The following MAGI1 variants were observed in gnomAD, a reference collection of about 807,000 sequenced individuals.
MAGI1 encodes membrane associated guanylate kinase, WW and PDZ domain containing 1.
Under a neutral mutation model 139.9 loss-of-function variants are expected in MAGI1, and 58 were observed. The observed-to-expected ratio is 0.41, with a 90% CI of 0.34 to 0.52. The LOEUF is 0.52. MAGI1 is among the 20% of genes least tolerant of loss of function. The probability of loss-of-function intolerance (pLI) is 0.12; values close to 1 mark genes in which losing one functional copy is unlikely to be tolerated. For missense variants in MAGI1, 1,874 were observed against 1,901.6 expected (o/e 0.99, Z 0.27); for synonymous variants, 812 against 737.9 (o/e 1.10, Z -1.63).
intron 2 of MAGI1, among the ~76,000 whole-genome samples, chr3:65,600,887 G>A (rs886452406): frequency 6.6e-5 from 10 of 152,192 alleles, no homozygotes; most frequent in Non-Finnish European, 1.3e-4. Context: ...GGGATCTGGG[G>A]CTAGACCAGT....
chr3:65,900,261 CA>C (rs930237485), intron 1 of MAGI1, among the ~76,000 whole-genome samples: 9 of 152,192 alleles, frequency 5.9e-5, no homozygotes, highest in Non-Finnish European at 2.9e-5. Flanking sequence ...TCCCATCCAT[CA>C]CCCAGGACAT....
chr3:65,606,998 C>T (rs1382063744), intron 2 of MAGI1, among the ~76,000 whole-genome samples: 1 of 152,134 alleles, frequency 6.6e-6, no homozygotes, highest in South Asian at 2.1e-4. Context: ...AACCCAGATA[C>T]TGGTCAACAC....
intron 1 of MAGI1, among the ~76,000 whole-genome samples, chr3:65,952,892 GTTGT>G (rs1170877341): frequency 2.6e-5 from 4 of 152,296 alleles, no homozygotes; most frequent in African/African-American, 9.6e-5. Context: ...AGTATTTCCT[GTTGT>G]TTGTCTTGAC....
At chr3:65,957,589 C>G (rs1298125187) in intron 1 of MAGI1, among the ~76,000 whole-genome samples, 1 of 150,752 alleles carries the variant, frequency 6.6e-6, no homozygotes, top group Admixed American at 6.6e-5. Context: ...GGACAAATCT[C>G]AATACAATGT....
intron 1 of MAGI1, among the ~76,000 whole-genome samples, chr3:65,706,169 C>T (rs1037076636): frequency 1.3e-5 from 2 of 152,128 alleles, no homozygotes; most frequent in African/African-American, 2.4e-5. Context: ...AGATGGTACA[C>T]GGGCTAGTTT....
intron 2 of MAGI1, among the ~76,000 whole-genome samples, chr3:65,524,975 G>A (rs558584430): frequency 6.6e-6 from 1 of 152,136 alleles, no homozygotes; most frequent in Non-Finnish European, 1.5e-5. Context: ...GCAGCCTCAC[G>A]TTTGTCTTCC....
chr3:65,364,653 C>T lies in MAGI1; in HGVS notation c.3351+12G>A. ...GTGCAAAGTATAGAGAAAAAAGAGA[C>T]ATGGTGCTCACCTGTGTTGCTTGGG... On this transcript the variant is annotated intron_variant, in intron 20 of 22. Coordinates refer to ENST00000402939, the MANE Select transcript of MAGI1 (RefSeq NM_001033057.2). The T allele has an allele frequency of 6.2e-7, 1 of 1,612,514 alleles. No individual in the cohort carries two copies. Among genetic ancestry groups the T allele is most frequent in the Non-Finnish European group, 8.5e-7 (1 of 1,178,930 alleles).
At chr3:65,533,126 T>C (rs1452144638) in intron 2 of MAGI1, among the ~76,000 whole-genome samples, 2 of 152,198 alleles carry the variant, frequency 1.3e-5, no homozygotes, top group Non-Finnish European at 2.9e-5. Context: ...ATCCCTATTT[T>C]TTGACTGGCT....
chr3:65,661,130 C>A (rs1448280751), intron 1 of MAGI1, among the ~76,000 whole-genome samples: 1 of 152,156 alleles, frequency 6.6e-6, no homozygotes, highest in Non-Finnish European at 1.5e-5. Flanking sequence ...TATTCTTACA[C>A]ATATTTGCTC....
chr3:65,952,793 G>C (rs1191075116), intron 1 of MAGI1, among the ~76,000 whole-genome samples: 2 of 152,274 alleles, frequency 1.3e-5, no homozygotes, highest in Middle Eastern at 6.8e-3. Flanking sequence ...CAGCCTCGGC[G>C]ACAGAGCGAG....
At chr3:65,560,346 G>A (rs1261950833) in intron 2 of MAGI1, among the ~76,000 whole-genome samples, 1 of 152,142 alleles carries the variant, frequency 6.6e-6, no homozygotes, top group African/African-American at 2.4e-5. Flanking sequence ...AAACGCTTGA[G>A]GGGATGGATA....
chr3:65,560,607 T>C (rs1355995535), intron 2 of MAGI1, among the ~76,000 whole-genome samples: 2 of 152,146 alleles, frequency 1.3e-5, no homozygotes, highest in African/African-American at 4.8e-5. Flanking sequence ...GTAAACTGTT[T>C]CCTGCTACTC....
At position 65,382,029 on chromosome 3, in the gene MAGI1, G is replaced by A. The variant is rs941929595; in HGVS notation, c.2549C>T (p.Thr850Ile). 3.1e-6 allele frequency: 5 copies of A among 1,613,898 alleles called. No individual in the cohort carries two copies. The highest frequency in any genetic ancestry group is 4.2e-6 in the Non-Finnish European group (5 of 1,179,986). Residue 850 changes from threonine (T) to isoleucine (I), a missense_variant, in exon 16 of 23, where the codon ACT becomes ATT. Thr to Ile is a moderately conservative substitution (Grantham distance 89). This residue lies in a region of MAGI1 where 482 missense variants were observed against 509.6 expected (regional missense o/e 0.95). Transcript: ENST00000402939. ...GHIVPLGAAD[T>I]DGRLRSGDEL... The stretch of plus-strand genomic sequence containing the variant: ...ATCTCCAGACCTCAGGCGGCCGTCA[G>A]TATCAGCAGCACCCAGTGGTACGAT...
At chr3:65,502,322 C>G (rs1453721627) in intron 2 of MAGI1, among the ~76,000 whole-genome samples, 2 of 152,164 alleles carry the variant, frequency 1.3e-5, no homozygotes, top group Non-Finnish European at 2.9e-5. Flanking sequence ...ATCCTATTAT[C>G]ACAAAAGGGG....
At chr3:65,603,582 T>C (rs1448377087) in intron 2 of MAGI1, among the ~76,000 whole-genome samples, 1 of 152,270 alleles carries the variant, frequency 6.6e-6, no homozygotes, top group Non-Finnish European at 1.5e-5. Context: ...ATTCTAATTG[T>C]AGGTAAAATC....
chr3:65,787,706 A>G (rs145258933), intron 1 of MAGI1, among the ~76,000 whole-genome samples: 1 of 152,122 alleles, frequency 6.6e-6, no homozygotes, highest in East Asian at 1.9e-4. Context: ...TGTTATGGGA[A>G]CACAGGGGTT....
At chr3:65,849,284 C>T (rs1406245122) in intron 1 of MAGI1, among the ~76,000 whole-genome samples, 2 of 151,318 alleles carry the variant, frequency 1.3e-5, no homozygotes, top group Non-Finnish European at 2.9e-5. Flanking sequence ...CTCAGTCTCC[C>T]AAAGTGCTAG....
In MAGI1 at chr3:65,354,743, A is replaced by G. The variant is rs1003573803; in HGVS notation, c.*1635T>C. 6.5e-6 allele frequency: 1 copy of G among 152,676 alleles called. No homozygotes were observed. Among genetic ancestry groups the G allele is most frequent in the African/African-American group, 2.4e-5 (1 of 41,462 alleles). The allele number at this position is 152,676 out of a possible 1,614,324, so 9.5% of individuals were successfully genotyped here. ...TCCATATTCAGAAATATAAACACGT[A>G]TCACATTCCTCACAGCTAAATTTTG... On this transcript the variant is annotated 3_prime_UTR_variant, in exon 23 of 23. Coordinates refer to ENST00000402939, the MANE Select transcript of MAGI1 (RefSeq NM_001033057.2).
intron 1 of MAGI1, among the ~76,000 whole-genome samples, chr3:65,715,247 C>T (rs904012848): frequency 1.3e-5 from 2 of 152,062 alleles, no homozygotes; most frequent in African/African-American, 4.8e-5. Flanking sequence ...TTTCTGCATC[C>T]CAAATTAAAG....
Sources: allele counts gnomAD v4.1 joint callset (sites outside exome capture counted in the v4.1 genomes callset), GRCh38; gene constraint gnomAD v4.1.1; regional missense constraint gnomAD v4.1.1; transcripts MANE v1.5; gene names NCBI Gene and HGNC (gene_info 2026-07-23, HGNC 2026-07-21).